Variants in BMP6 observed in about 807,000 individuals in gnomAD.
BMP6 encodes the protein VG-1-R.
In BMP6, 17 loss-of-function variants were observed where a neutral mutation model predicts 54.1. The observed-to-expected ratio is 0.31, with a 90% CI of 0.22 to 0.47. The LOEUF is 0.47. Ranked by LOEUF, BMP6 falls within the 20% of genes least tolerant of loss-of-function variation. The pLI, the probability that BMP6 is intolerant of heterozygous loss-of-function variation, is 1.00. For missense variants in BMP6, 720 were observed against 690.4 expected (o/e 1.04, Z -0.48); for synonymous variants, 328 against 291.2 (o/e 1.13, Z -1.28).
intron 1 of BMP6, among the ~76,000 whole-genome samples, chr6:7,771,782 G>A (rs917835627): frequency 6.6e-6 from 1 of 152,180 alleles, no homozygotes; most frequent in Non-Finnish European, 1.5e-5. Flanking sequence ...GTCGGATGCG[G>A]TGGCTCATGC....
chr6:7,851,119 T>C (rs1191339971), intron 2 of BMP6, among the ~76,000 whole-genome samples: 1 of 152,218 alleles, frequency 6.6e-6, no homozygotes, highest in Non-Finnish European at 1.5e-5. Context: ...CCCATGTAAA[T>C]TTTAAAATCA....
At chr6:7,843,383 T>C (rs1377184776) in intron 1 of BMP6, among the ~76,000 whole-genome samples, 1 of 151,834 alleles carries the variant, frequency 6.6e-6, no homozygotes, top group Non-Finnish European at 1.5e-5. Flanking sequence ...CTTCTGCAAA[T>C]GCCATTGAGG....
chr6:7,774,381 C>G (rs1443460491), intron 1 of BMP6, among the ~76,000 whole-genome samples: 1 of 152,210 alleles, frequency 6.6e-6, no homozygotes, highest in African/African-American at 2.4e-5. Flanking sequence ...GAAGCCCCGT[C>G]TCTACTAAAA....
intron 4 of BMP6, among the ~76,000 whole-genome samples, chr6:7,877,361 C>T (rs1326866341): frequency 6.6e-6 from 1 of 152,190 alleles, no homozygotes; most frequent in Non-Finnish European, 1.5e-5. Flanking sequence ...GTGGCTCACA[C>T]CTGTAATCTC....
chr6:7,861,117 A>G (rs117466221), intron 2 of BMP6, among the ~76,000 whole-genome samples: 1 of 152,280 alleles, frequency 6.6e-6, no homozygotes, highest in East Asian at 1.9e-4. Flanking sequence ...TTTTTAAAAA[A>G]TCATTTATTT....
intron 4 of BMP6, among the ~76,000 whole-genome samples, chr6:7,870,935 G>C (rs1315336424): frequency 6.6e-6 from 1 of 152,158 alleles, no homozygotes; most frequent in Non-Finnish European, 1.5e-5. Flanking sequence ...GGCCTGTCTT[G>C]GATCTTTAGA....
chr6:7,769,602 C>A (rs751756734), intron 1 of BMP6, among the ~76,000 whole-genome samples: 2 of 152,132 alleles, frequency 1.3e-5, no homozygotes, highest in Non-Finnish European at 2.9e-5. Context: ...AAGGATCACA[C>A]GTAAATCAAG....
At chr6:7,861,377 C>T (rs772204254) in intron 2 of BMP6, 74 bp from the exon 3 acceptor site, 16 of 1,560,278 alleles carry the variant, frequency 1.0e-5, no homozygotes, top group Middle Eastern at 4.3e-4. Flanking sequence ...TTTATCCTGA[C>T]GCTGAGACAG....
chr6:7,853,835 T>C (rs1759182042), intron 2 of BMP6, among the ~76,000 whole-genome samples: 1 of 152,118 alleles, frequency 6.6e-6, no homozygotes. Context: ...ATGGTTCAGG[T>C]TATGTAACTG....
At chr6:7,747,883 C>T (rs973813924) in intron 1 of BMP6, among the ~76,000 whole-genome samples, 5 of 152,012 alleles carry the variant, frequency 3.3e-5, no homozygotes, top group East Asian at 1.9e-4. Flanking sequence ...TGGCCTCAAG[C>T]GATCCTCCTG....
At chr6:7,850,221 C>T (rs189066931) in intron 2 of BMP6, among the ~76,000 whole-genome samples, 1 of 152,238 alleles carries the variant, frequency 6.6e-6, no homozygotes, top group South Asian at 2.1e-4. Context: ...CGGCTCACTG[C>T]AAGCTCCACC....
At chr6:7,784,779 A>C (rs1757997863) in intron 1 of BMP6, among the ~76,000 whole-genome samples, 1 of 152,156 alleles carries the variant, frequency 6.6e-6, no homozygotes, top group South Asian at 2.1e-4. Context: ...ACCTACAGCT[A>C]ATAGGAGCAG....
chr6:7,743,057 T>C (rs759785311), intron 1 of BMP6, among the ~76,000 whole-genome samples: 1 of 152,174 alleles, frequency 6.6e-6, no homozygotes, highest in East Asian at 1.9e-4. Flanking sequence ...AAGTAGCAAA[T>C]ATCTTTCACA....
At chr6:7,739,641 A>T (rs1762012802) in intron 1 of BMP6, among the ~76,000 whole-genome samples, 1 of 145,280 alleles carries the variant, frequency 6.9e-6, no homozygotes, top group Non-Finnish European at 1.5e-5. Context: ...TCCAAATAGC[A>T]CCCAGTCATG....
intron 1 of BMP6, among the ~76,000 whole-genome samples, chr6:7,728,434 A>T (rs1761787980): frequency 6.6e-6 from 1 of 152,182 alleles, no homozygotes; most frequent in African/African-American, 2.4e-5. Flanking sequence ...CAGAATGGAA[A>T]TTCACGGGCG....
At position 7,734,939 on chromosome 6, in the gene BMP6, C is replaced by T. The variant is rs543465865; in HGVS notation, c.664+7320C>T. ...CCTGACTTTCAGATTTATAGGCATA[C>T]GCCCTTGATGACTGATCCTCCTGCT... On this transcript the variant is annotated intron_variant, in intron 1 of 6. Coordinates refer to ENST00000283147, the MANE Select transcript of BMP6 (RefSeq NM_001718.6). Among the ~76,000 whole-genome samples, 12 of 152,358 alleles carry T rather than the reference C, an allele frequency of 7.9e-5. No homozygotes were observed. In the East Asian group the frequency reaches 1.9e-3, roughly 24 times the overall value.
intron 1 of BMP6, 130 bp downstream of exon 1, chr6:7,727,749 G>A: frequency 3.4e-6 from 4 of 1,159,684 alleles, no homozygotes; most frequent in South Asian, 2.2e-5. Flanking sequence ...GAGAACGCGG[G>A]GACAGGCAGG....
intron 1 of BMP6, among the ~76,000 whole-genome samples, chr6:7,727,840 C>A (rs929834245): frequency 6.6e-6 from 1 of 151,440 alleles, no homozygotes; most frequent in Non-Finnish European, 1.5e-5. Flanking sequence ...CCGAGGCCCC[C>A]AGAGGCGGCT....
intron 1 of BMP6, among the ~76,000 whole-genome samples, chr6:7,825,674 T>C (rs267176): frequency 0.55 from 82,984 of 150,914 alleles, 24,785 homozygotes; most frequent in East Asian, 0.79. Context: ...GAGTCGAGAT[T>C]GTGTCATTGC....
Sources: allele counts gnomAD v4.1 joint callset (sites outside exome capture counted in the v4.1 genomes callset), GRCh38; gene constraint gnomAD v4.1.1; transcripts MANE v1.5; gene names NCBI Gene and HGNC (gene_info 2026-07-23, HGNC 2026-07-21).